The following PCDHA13 variants were observed in gnomAD, a reference collection of about 807,000 sequenced individuals.
PCDHA13 encodes the protein protocadherin alpha-13.
A neutral mutation model predicts 64.8 loss-of-function variants in PCDHA13; 54 were observed. That is an observed-to-expected ratio of 0.83 (90% confidence interval 0.67 to 1.04). The LOEUF (loss-of-function observed/expected upper bound fraction) is 1.04. PCDHA13 is among the 50% of genes least tolerant of loss of function. The pLI, the probability that PCDHA13 is intolerant of heterozygous loss-of-function variation, is 0.00. For missense variants in PCDHA13, 1,248 were observed against 1,254.3 expected, an observed-to-expected ratio of 0.99 and a Z score of 0.08; for synonymous variants, 587 against 564.4, an observed-to-expected ratio of 1.04 and a Z score of -0.57.
At chr5:140,931,444 A>T (rs2087532526) in intron 1 of PCDHA13, among the ~76,000 whole-genome samples, 1 of 135,860 alleles carries the variant, frequency 7.4e-6, no homozygotes, top group Non-Finnish European at 1.6e-5. Context: ...TTAGCTATTT[A>T]AAAGGAAAAA....
intron 3 of PCDHA13, among the ~76,000 whole-genome samples, chr5:141,007,904 T>C (rs1397513381): frequency 6.6e-6 from 1 of 152,278 alleles, no homozygotes; most frequent in African/African-American, 2.4e-5. Flanking sequence ...TTGTTCTTTG[T>C]TGAAGATGCT....
rs147537783 is a variant in PCDHA13 at position 140,982,491 on chromosome 5, G to C, written c.2470G>C (p.Glu824Gln). 1 of 1,614,076 alleles carries C rather than the reference G, an allele frequency of 6.2e-7. No individual in the cohort carries two copies. Among genetic ancestry groups the C allele is most frequent in the African/African-American group, 1.3e-5 (1 of 74,924 alleles). The change falls in exon 3 of 4, where the codon GAG becomes CAG. Residue 824 changes from glutamate to glutamine, a missense_variant. Physicochemically the swap from Glu to Gln is conservative, Grantham distance 29. Coordinates refer to ENST00000289272, the MANE Select transcript of PCDHA13 (RefSeq NM_018904.3). ...TTTATTCAGCTCTGTGCACCTAGAG[G>C]AGGCTGGCATTCTACGGGCTGGTCC... is the stretch of plus-strand genomic sequence containing the variant. ...AGMHSSVHLE[E>Q]AGILRAGPGG...
chr5:140,988,694 C>T (rs1328459106), intron 3 of PCDHA13, among the ~76,000 whole-genome samples: 1 of 152,180 alleles, frequency 6.6e-6, no homozygotes, highest in Non-Finnish European at 1.5e-5. Flanking sequence ...CCTAGACGCT[C>T]TGTATTTTCT....
intron 3 of PCDHA13, among the ~76,000 whole-genome samples, chr5:140,991,251 A>G (rs2097441392): frequency 6.6e-6 from 1 of 152,306 alleles, no homozygotes; most frequent in South Asian, 2.1e-4. Context: ...GCAGTATTTG[A>G]ACTCATGTCT....
intron 1 of PCDHA13, chr5:140,927,409 A>C (rs1554204480): frequency 2.5e-6 from 4 of 1,614,002 alleles, no homozygotes; most frequent in Non-Finnish European, 3.4e-6. Flanking sequence ...TCGCCTGGAC[A>C]TGGGATCGCG....
At chr5:140,902,206 T>TC (rs2069239214) in intron 1 of PCDHA13, among the ~76,000 whole-genome samples, 1 of 145,724 alleles carries the variant, frequency 6.9e-6, no homozygotes, top group South Asian at 2.1e-4. Flanking sequence ...TCTCTTTCTT[T>TC]TTTTTTTTTT....
At chr5:140,886,560 G>A (rs1230327560) in intron 1 of PCDHA13, among the ~76,000 whole-genome samples, 3 of 151,904 alleles carry the variant, frequency 2.0e-5, no homozygotes, top group Non-Finnish European at 4.4e-5. Flanking sequence ...GGGCACGGTG[G>A]CTCACGCCTG....
intron 1 of PCDHA13, among the ~76,000 whole-genome samples, chr5:140,952,192 G>A (rs572613863): frequency 1.1e-4 from 16 of 152,198 alleles, no homozygotes; most frequent in African/African-American, 3.9e-4. Flanking sequence ...TCATGGGTTG[G>A]TGTTGAATGC....
At chr5:140,994,157 G>A (rs958405989) in intron 3 of PCDHA13, among the ~76,000 whole-genome samples, 1 of 152,198 alleles carries the variant, frequency 6.6e-6, no homozygotes, top group Non-Finnish European at 1.5e-5. Context: ...TAGGGTCAAC[G>A]AAGGGGAAGG....
In PCDHA13 at chr5:140,941,202, C is replaced by CCCTTCTTTCTTTCTTTCTTT; in HGVS notation, c.2395-37746_2395-37745insCTTCTTTCTTTCTTTCTTTC. Among the ~76,000 whole-genome samples, 3 of 122,832 alleles carry CCCTTCTTTCTTTCTTTCTTT rather than the reference C, an allele frequency of 2.4e-5. No homozygotes were observed. The East Asian group carries it at 6.6e-4, about 27-fold the overall frequency. The allele number at this position is 122,832 out of a possible 152,430, so 80.6% of individuals were successfully genotyped here. A position where few individuals can be genotyped will look rare whatever the true frequency, so the allele number is the denominator to read the frequency against. On this transcript the variant is annotated intron_variant, in intron 1 of 3. Transcript: ENST00000289272. ...TCCTGCTTCTTTTTTTTTCTTTCTT[C>CCCTTCTTTCTTTCTTTCTTT]CTTTCTTTCTTCCTTTCTTTCTTTC...
chr5:140,977,324 C>T (rs1035502087), intron 1 of PCDHA13, among the ~76,000 whole-genome samples: 5 of 152,102 alleles, frequency 3.3e-5, no homozygotes, highest in Non-Finnish European at 4.4e-5. Context: ...CTCCTGATGG[C>T]GAGGGGAGAG....
intron 1 of PCDHA13, among the ~76,000 whole-genome samples, chr5:140,938,620 C>G (rs571731816): frequency 1.3e-5 from 2 of 152,172 alleles, no homozygotes; most frequent in African/African-American, 4.8e-5. Context: ...GGAATAAACT[C>G]AGGTTGCTTA....
At chr5:141,009,511 G>C in intron 3 of PCDHA13, 116 bp from the exon 4 acceptor site, 2 of 1,498,174 alleles carry the variant, frequency 1.3e-6, no homozygotes, top group Non-Finnish European at 1.8e-6. Context: ...CAAACAACTC[G>C]TGATTTTTCT....
At chr5:140,929,014 C>T (rs1554206582) in intron 1 of PCDHA13, 5 of 1,614,110 alleles carry the variant, frequency 3.1e-6, no homozygotes, top group Non-Finnish European at 4.2e-6. Flanking sequence ...TACCAAGTTG[C>T]ACCAGAGCCC....
chr5:140,967,116 G>T, intron 1 of PCDHA13: 1 of 1,612,922 alleles, frequency 6.2e-7, no homozygotes, highest in Non-Finnish European at 8.5e-7. Flanking sequence ...CGGCCTCGCT[G>T]CCTGCTCAGC....
At chr5:140,994,809 C>G (rs1366407347) in intron 3 of PCDHA13, among the ~76,000 whole-genome samples, 1 of 152,016 alleles carries the variant, frequency 6.6e-6, no homozygotes, top group Non-Finnish European at 1.5e-5. Flanking sequence ...AAACAAAATA[C>G]AAAAAACTGA....
intron 1 of PCDHA13, among the ~76,000 whole-genome samples, chr5:140,913,922 A>G (rs2076507888): frequency 6.6e-6 from 1 of 151,936 alleles, no homozygotes; most frequent in South Asian, 2.1e-4. Context: ...ATTTTACTTC[A>G]TTGTGGTCAG....
chr5:140,978,653 G>A (rs527551897), intron 1 of PCDHA13, among the ~76,000 whole-genome samples: 25 of 152,314 alleles, frequency 1.6e-4, no homozygotes, highest in African/African-American at 5.5e-4. Flanking sequence ...TGTTCTTCCC[G>A]TAGTGTTTTA....
intron 1 of PCDHA13, among the ~76,000 whole-genome samples, chr5:140,885,118 C>CT (rs782576516): frequency 6.6e-6 from 1 of 152,022 alleles, no homozygotes; most frequent in Non-Finnish European, 1.5e-5. Context: ...TTTAAGTGCA[C>CT]TTTTCTTTCT....
Sources: allele counts gnomAD v4.1 joint callset (sites outside exome capture counted in the v4.1 genomes callset), GRCh38; gene constraint gnomAD v4.1.1; transcripts MANE v1.5; gene names NCBI Gene and HGNC (gene_info 2026-07-23, HGNC 2026-07-21).